Variants in ADAM17 observed in about 807,000 individuals in gnomAD.
ADAM17 encodes the protein disintegrin and metalloproteinase domain-containing protein 17.
A neutral mutation model predicts 96.7 loss-of-function variants in ADAM17; 39 were observed. That is an observed-to-expected ratio of 0.40 (90% CI 0.31 to 0.53). The LOEUF (loss-of-function observed/expected upper bound fraction) is 0.53. Ranked by LOEUF, ADAM17 falls within the 20% of genes least tolerant of loss-of-function variation. The pLI is 0.44. For synonymous variants in ADAM17, 344 were observed against 359.2 expected (o/e 0.96, Z 0.48); for missense variants, 777 against 1,013.2 (o/e 0.77, Z 3.17).
At chr2:9,499,617 T>C (rs766215490) in intron 13 of ADAM17, among the ~76,000 whole-genome samples, 1 of 152,156 alleles carries the variant, frequency 6.6e-6, no homozygotes, top group African/African-American at 2.4e-5. Flanking sequence ...TTAGCCAGGA[T>C]GGTCTCGATC....
At chr2:9,555,154 T>C (rs895132545) in intron 1 of ADAM17, among the ~76,000 whole-genome samples, 4 of 152,070 alleles carry the variant, frequency 2.6e-5, no homozygotes, top group African/African-American at 7.2e-5. Context: ...ATTTGTTCCC[T>C]ACTAAGGCAA....
chr2:9,500,324 T>C (rs1264637652), intron 13 of ADAM17, among the ~76,000 whole-genome samples: 6 of 152,240 alleles, frequency 3.9e-5, no homozygotes, highest in African/African-American at 1.4e-4. Flanking sequence ...CCATATTGTA[T>C]AATTCCATTT....
chr2:9,504,495 G>A (rs1362035888), intron 12 of ADAM17, among the ~76,000 whole-genome samples: 4 of 148,046 alleles, frequency 2.7e-5, no homozygotes, highest in Admixed American at 6.7e-5. Flanking sequence ...TGCCAGGCAC[G>A]GTGCCTCACA....
intron 15 of ADAM17, 62 bp from the exon 16 acceptor site, chr2:9,493,887 A>C: frequency 1.4e-6 from 2 of 1,412,382 alleles, no homozygotes; most frequent in Non-Finnish European, 2.0e-6. Context: ...GAAGCAATGT[A>C]GCTTTATAAA....
At chr2:9,533,174 G>A (rs1174014742) in intron 4 of ADAM17, among the ~76,000 whole-genome samples, 1 of 150,772 alleles carries the variant, frequency 6.6e-6, no homozygotes, top group Non-Finnish European at 1.5e-5. Context: ...GGGTGACAGG[G>A]CGAGATGCCA....
intron 4 of ADAM17, among the ~76,000 whole-genome samples, chr2:9,529,709 G>A (rs1296059210): frequency 2.0e-5 from 3 of 152,086 alleles, no homozygotes; most frequent in South Asian, 2.1e-4. Flanking sequence ...GATGGCTCAC[G>A]CCTGTAATCT....
At chr2:9,522,868 T>G (rs770927689) in intron 7 of ADAM17, among the ~76,000 whole-genome samples, 24 of 152,268 alleles carry the variant, frequency 1.6e-4, no homozygotes, top group Non-Finnish European at 3.4e-4. Flanking sequence ...AATACAGCCT[T>G]GCAAAGGTAC....
chr2:9,544,213 C>G (rs1665322651), intron 1 of ADAM17, among the ~76,000 whole-genome samples: 1 of 152,128 alleles, frequency 6.6e-6, no homozygotes, highest in Non-Finnish European at 1.5e-5. Context: ...CTGACAATCT[C>G]TAATGAAAAA....
chr2:9,515,752 GA>G (rs1471579648), intron 10 of ADAM17, among the ~76,000 whole-genome samples: 3 of 137,300 alleles, frequency 2.2e-5, no homozygotes, highest in Non-Finnish European at 4.8e-5. Context: ...AAAAAAAAAA[GA>G]AAAAAGAAAA....
rs1663325119 is a variant in ADAM17 at position 9,505,341 on chromosome 2, A to G, written c.1369T>C (p.Ser457Pro). ...NKMFSNCSKQSIYKTIESKAQ... is the reference protein window; with the variant it reads ...NKMFSNCSKQPIYKTIESKAQ... ...TTACTTTCAATGGTCTTATAGATTGATTGTTTACTGCAGTTTGAAAACATC... is the reference window on the plus strand; with the variant it reads ...TTACTTTCAATGGTCTTATAGATTGGTTGTTTACTGCAGTTTGAAAACATC... Residue 457 changes from serine (S) to proline (P), a missense_variant, in exon 12 of 19, where the codon TCA becomes CCA. Physicochemically the swap from Ser to Pro is moderately conservative, Grantham distance 74. Around this residue, in one of 3 missense-constraint regions of ADAM17, gnomAD observed 446 missense variants for 664.7 expected, o/e 0.67. Transcript: ENST00000310823. 1.2e-6 allele frequency: 2 copies of G among 1,614,034 alleles called. No individual in the cohort carries two copies. The highest frequency in any genetic ancestry group is 8.5e-7 in the Non-Finnish European group (1 of 1,180,034).
chr2:9,534,815 A>C (rs1394250318), intron 4 of ADAM17, among the ~76,000 whole-genome samples: 5 of 152,252 alleles, frequency 3.3e-5, no homozygotes, highest in Admixed American at 6.5e-5. Flanking sequence ...TATATTTTAA[A>C]ATAAAGGTAT....
intron 1 of ADAM17, among the ~76,000 whole-genome samples, chr2:9,544,496 G>C (rs1249986585): frequency 1.3e-5 from 2 of 151,890 alleles, no homozygotes; most frequent in Non-Finnish European, 2.9e-5. Context: ...CTACACTCTA[G>C]CCTGGGCGAC....
chr2:9,511,853 C>T (rs1214108607), intron 10 of ADAM17, among the ~76,000 whole-genome samples: 3 of 151,874 alleles, frequency 2.0e-5, no homozygotes, highest in South Asian at 4.1e-4. Context: ...CGCCTGTAAT[C>T]GCAGCTATTT....
chr2:9,543,624 C>T (rs1331616521), intron 1 of ADAM17, among the ~76,000 whole-genome samples: 1 of 152,146 alleles, frequency 6.6e-6, no homozygotes, highest in Admixed American at 6.5e-5. Context: ...GCAACAGGAG[C>T]TTAAAATACA....
chr2:9,546,326 A>G (rs1481457508), intron 1 of ADAM17, among the ~76,000 whole-genome samples: 1 of 152,242 alleles, frequency 6.6e-6, no homozygotes, highest in Admixed American at 6.5e-5. Context: ...ATGCATTTCA[A>G]CTGCAATTGA....
At chr2:9,529,376 A>C (rs920066111) in intron 4 of ADAM17, among the ~76,000 whole-genome samples, 3 of 152,168 alleles carry the variant, frequency 2.0e-5, no homozygotes, top group Non-Finnish European at 2.9e-5. Flanking sequence ...AGTTGAACCC[A>C]GGAGGCAAAA....
At chr2:9,515,009 T>C (rs1572923106) in intron 10 of ADAM17, among the ~76,000 whole-genome samples, 1 of 152,200 alleles carries the variant, frequency 6.6e-6, no homozygotes, top group Non-Finnish European at 1.5e-5. Context: ...TATAGGCTCC[T>C]GCCACCACCT....
chr2:9,528,227 G>A (rs1212736733), intron 4 of ADAM17, among the ~76,000 whole-genome samples: 2 of 152,164 alleles, frequency 1.3e-5, no homozygotes, highest in African/African-American at 4.8e-5. Context: ...TTCAGAGGAT[G>A]CAGAAGAGAA....
intron 8 of ADAM17, among the ~76,000 whole-genome samples, chr2:9,520,964 C>CAAAAAACAAAAAAAAAA (rs1664281898): frequency 3.8e-5 from 1 of 26,284 alleles, no homozygotes; most frequent in Non-Finnish European, 8.8e-5. Context: ...AACTCTGTCT[C>CAAAAAACAAAAAAAAAA]AAAAAAAAAA....
Sources: allele counts gnomAD v4.1 joint callset (sites outside exome capture counted in the v4.1 genomes callset), GRCh38; gene constraint gnomAD v4.1.1; regional missense constraint gnomAD v4.1.1; transcripts MANE v1.5; gene names NCBI Gene and HGNC (gene_info 2026-07-23, HGNC 2026-07-21).